PRKX: variants seen among roughly 807,000 people sequenced by gnomAD.
PRKX encodes the protein protein kinase cAMP-dependent X-linked catalytic subunit, also known as cAMP-dependent protein kinase catalytic subunit PRKX.
PRKX carries 12 observed loss-of-function variants against 22.0 expected under a neutral mutation model. The ratio of observed to expected loss-of-function variants is 0.54; its 90% CI spans 0.35 to 0.88. The LOEUF (loss-of-function observed/expected upper bound fraction) is 0.88. PRKX is among the 40% of genes least tolerant of loss of function. PRKX has a pLI of 0.01. For synonymous variants in PRKX, 134 were observed against 137.7 expected, an observed-to-expected ratio of 0.97 and a Z score of 0.19; for missense variants, 217 against 308.0, an observed-to-expected ratio of 0.70 and a Z score of 2.21.
rs1187202475 is a variant in PRKX at position 3,653,777 on chromosome X, T to A, written c.599+1372A>T. ...ACTATGTGATATATATAATATATAT[T>A]ATATACTATGTGATATATATAATAT... On this transcript the variant is annotated intron_variant, in intron 3 of 8. Coordinates refer to ENST00000262848, the MANE Select transcript of PRKX (RefSeq NM_005044.5). 8.4e-3 allele frequency among the ~76,000 whole-genome samples: 530 copies of A among 63,258 alleles called. 8 individuals are homozygous for A. The highest frequency in any genetic ancestry group is 0.011 in the Non-Finnish European group (410 of 37,118). 54.9% of individuals were successfully genotyped at this position (63,258 alleles called of 115,157 possible). A position where few individuals can be genotyped will look rare whatever the true frequency, so the allele number is the denominator to read the frequency against.
In PRKX at chrX:3,655,244, G is replaced by A. The variant is rs752847060; in HGVS notation, c.504C>T (p.Ile168=). 4.1e-6 allele frequency: 5 copies of A among 1,210,505 alleles called. No individual in the cohort carries two copies. Among genetic ancestry groups the A allele is most frequent in the African/African-American group, 3.5e-5 (2 of 57,394 alleles). Residue 168 remains isoleucine (I), a synonymous_variant, in exon 3 of 9, where the codon ATC becomes ATT. Transcript: ENST00000262848. ...TCTCTGGCTTCAAGTCCCTGTAGACGATCTCTTTGGAGTGCAGGTACTCGA... is the reference window on the plus strand; with the variant it reads ...TCTCTGGCTTCAAGTCCCTGTAGACAATCTCTTTGGAGTGCAGGTACTCGA... ...CAIEYLHSKE[I]VYRDLKPENI... is the part of the protein sequence containing the mutation.
chrX:3,609,371 G>C (rs961312189), intron 8 of PRKX, among the ~76,000 whole-genome samples: 12 of 111,689 alleles, frequency 1.1e-4, no homozygotes, highest in African/African-American at 3.9e-4. Flanking sequence ...ATGTTTGCCA[G>C]GCTGGTCTCG....
At chrX:3,713,040 C>G in intron 1 of PRKX, 48 bp downstream of exon 1, 1 of 1,125,545 alleles carries the variant, frequency 8.9e-7, no homozygotes, top group Non-Finnish European at 1.2e-6. Context: ...AACGTCCCGG[C>G]CACGCCGCGC....
chrX:3,710,771 G>A (rs191862675), intron 1 of PRKX, among the ~76,000 whole-genome samples: 3 of 111,732 alleles, frequency 2.7e-5, no homozygotes, highest in East Asian at 2.8e-4. Context: ...GTACTCCTGC[G>A]GGTGCTTGTT....
chrX:3,648,199 G>A (rs778289154), intron 3 of PRKX, among the ~76,000 whole-genome samples: 148 of 111,677 alleles, frequency 1.3e-3, no homozygotes, highest in African/African-American at 4.6e-3. Flanking sequence ...TTTAGGCCTT[G>A]TGAATCACAT....
rs189690856 is a variant in PRKX at position 3,667,031 on chromosome X, C to T, written c.335+7567G>A. Among the ~76,000 whole-genome samples the T allele has an allele frequency of 1.5e-3, 162 of 109,642 alleles. No individual in the cohort carries two copies. In the East Asian group the frequency reaches 0.038, roughly 26 times the overall value. On this transcript the variant is annotated intron_variant, in intron 2 of 8. Coordinates refer to ENST00000262848, the MANE Select transcript of PRKX (RefSeq NM_005044.5). ...CCAGCATAGAGAGCAATCTATGAAT[C>T]TATGAACGGGGGGAAAGTCAACATG...
intron 1 of PRKX, among the ~76,000 whole-genome samples, chrX:3,692,527 CTTTT>C (rs34719641): frequency 3.2e-5 from 3 of 94,096 alleles, no homozygotes; most frequent in African/African-American, 1.2e-4. Flanking sequence ...AGCAACTGAA[CTTTT>C]TTTTTTTTTT....
chrX:3,684,989 G>A (rs1928147403), intron 1 of PRKX, among the ~76,000 whole-genome samples: 1 of 110,809 alleles, frequency 9.0e-6, no homozygotes, highest in Admixed American at 9.6e-5. Flanking sequence ...GCTAATTTTT[G>A]TATTTTTAGT....
chrX:3,623,083 A>G (rs1291843982), intron 5 of PRKX, among the ~76,000 whole-genome samples: 3 of 89,712 alleles, frequency 3.3e-5, no homozygotes, highest in Non-Finnish European at 7.3e-5. Flanking sequence ...AGTGGTGTAA[A>G]TTATAGGGGG....
At chrX:3,645,567 T>C (rs1927171007) in intron 3 of PRKX, among the ~76,000 whole-genome samples, 1 of 112,385 alleles carries the variant, frequency 8.9e-6, no homozygotes, top group African/African-American at 3.2e-5. Flanking sequence ...GAAAATGTTC[T>C]GGAACTAGAG....
At chrX:3,705,643 A>G (rs1255552459) in intron 1 of PRKX, among the ~76,000 whole-genome samples, 6 of 110,428 alleles carry the variant, frequency 5.4e-5, no homozygotes, top group Admixed American at 4.8e-4. Context: ...GCTTTTTGGA[A>G]GGGATGCCTT....
At chrX:3,684,344 A>C (rs1322595202) in intron 1 of PRKX, among the ~76,000 whole-genome samples, 1 of 112,006 alleles carries the variant, frequency 8.9e-6, no homozygotes, top group East Asian at 2.8e-4. Context: ...TCTGGGTCTC[A>C]ATCTTTCCCT....
At chrX:3,636,302 C>T (rs1926885688) in intron 4 of PRKX, among the ~76,000 whole-genome samples, 2 of 112,605 alleles carry the variant, frequency 1.8e-5, no homozygotes, top group African/African-American at 6.4e-5. Context: ...GACTGCAGGC[C>T]GGCTCCACTT....
chrX:3,690,689 C>A (rs1383022572), intron 1 of PRKX, among the ~76,000 whole-genome samples: 2 of 112,122 alleles, frequency 1.8e-5, no homozygotes. Flanking sequence ...TATGATCACA[C>A]CACTGCACTC....
At chrX:3,698,249 G>C (rs1325875799) in intron 1 of PRKX, among the ~76,000 whole-genome samples, 3 of 111,809 alleles carry the variant, frequency 2.7e-5, no homozygotes, top group Non-Finnish European at 5.6e-5. Context: ...GTATATGCTG[G>C]CATACCACAG....
intron 4 of PRKX, among the ~76,000 whole-genome samples, chrX:3,640,863 C>T (rs774359155): frequency 1.8e-5 from 2 of 111,722 alleles, no homozygotes; most frequent in Admixed American, 9.5e-5. Context: ...GACCTCTGAT[C>T]GTCTTCATGG....
intron 1 of PRKX, among the ~76,000 whole-genome samples, chrX:3,691,163 C>G (rs777420511): frequency 1.8e-4 from 20 of 111,660 alleles, no homozygotes; most frequent in Non-Finnish European, 3.6e-4. Context: ...GCGGGAGTTA[C>G]GTGCTGCAGA....
At chrX:3,697,705 C>T (rs1266371800) in intron 1 of PRKX, among the ~76,000 whole-genome samples, 2 of 110,452 alleles carry the variant, frequency 1.8e-5, no homozygotes, top group Non-Finnish European at 3.8e-5. Context: ...TCGCCATGCC[C>T]GGCTACACTT....
chrX:3,620,326 G>A (rs1251263331), intron 6 of PRKX, among the ~76,000 whole-genome samples: 2 of 112,487 alleles, frequency 1.8e-5, no homozygotes, highest in Non-Finnish European at 1.9e-5. Flanking sequence ...AGAGAAAGAA[G>A]CCAGAGGCAA....
Sources: gnomAD v4.1 joint callset for allele counts (sites outside exome capture counted in the v4.1 genomes callset) on GRCh38, gnomAD v4.1.1 for gene constraint, MANE v1.5 for transcripts, NCBI Gene and HGNC (gene_info 2026-07-23, HGNC 2026-07-21) for gene names.